NPAS1: variants seen among roughly 807,000 people sequenced by gnomAD.
The protein encoded by NPAS1 is neuronal PAS domain-containing protein 1.
Under a neutral mutation model 49.2 loss-of-function variants are expected in NPAS1, and 29 were observed. The observed-to-expected ratio is 0.59, with a 90% CI of 0.44 to 0.80. NPAS1 has a LOEUF of 0.80. Ranked by LOEUF, NPAS1 falls within the 30% of genes least tolerant of loss-of-function variation. NPAS1 has a pLI of 0.00. For missense variants in NPAS1, 825 were observed against 835.5 expected (o/e 0.99, Z 0.15); for synonymous variants, 408 against 380.4 (o/e 1.07, Z -0.84).
intron 10 of NPAS1, among the ~76,000 whole-genome samples, chr19:47,041,977 CTCAAAAAAAAAA>C (rs1568510690): frequency 1.2e-5 from 1 of 86,830 alleles, no homozygotes; most frequent in East Asian, 3.3e-4. Context: ...GAGACCCTGT[CTCAAAAAAAAAA>C]AAAAAAAAAA....
At chr19:47,033,009 C>T (rs1599903478) in intron 5 of NPAS1, among the ~76,000 whole-genome samples, 2 of 152,040 alleles carry the variant, frequency 1.3e-5, no homozygotes, top group South Asian at 2.1e-4. Context: ...GTGCGATCTT[C>T]GCTCAGTGCA....
At chr19:47,045,169 C>T (rs1346616978) in intron 11 of NPAS1, 22 bp from the exon 12 acceptor site, 1 of 1,609,196 alleles carries the variant, frequency 6.2e-7, no homozygotes, top group African/African-American at 1.3e-5. Flanking sequence ...ACACACAGGC[C>T]CTCAGCATCT....
In NPAS1 at chr19:47,021,291, G is replaced by C; in HGVS notation, c.122+122G>C. The C allele has an allele frequency of 1.1e-6, 1 of 900,058 alleles. No homozygotes were observed. Among genetic ancestry groups the C allele is most frequent in the South Asian group, 1.9e-5 (1 of 53,802 alleles). 55.8% of individuals were successfully genotyped at this position (900,058 alleles called of 1,614,324 possible). A position where few individuals can be genotyped will look rare whatever the true frequency, so the allele number is the denominator to read the frequency against. On this transcript the variant is annotated intron_variant, in intron 2 of 11. Coordinates refer to ENST00000602212, the MANE Select transcript of NPAS1 (RefSeq NM_002517.4). The surrounding 1 kb of genome is among the most constrained non-coding windows in gnomAD (Gnocchi z 5.7). ...CTCCCTGACCCGCCCCTTAGGGCTA[G>C]AAGGTCTTACCTTGAGTTAACTACC...
intron 1 of NPAS1, 118 bp downstream of exon 1, chr19:47,020,115 G>C: frequency 6.7e-5 from 10 of 148,580 alleles, no homozygotes; most frequent in East Asian, 2.0e-4. Context: ...GAGCCTGGGG[G>C]AAGGGGCGCA....
intron 3 of NPAS1, among the ~76,000 whole-genome samples, chr19:47,029,573 G>C (rs914753701): frequency 1.5e-4 from 22 of 151,720 alleles, no homozygotes; most frequent in Admixed American, 1.4e-3. Flanking sequence ...CTAATTTTTT[G>C]TATTTTTGGT....
chr19:47,033,091 C>A (rs942114448), intron 5 of NPAS1, among the ~76,000 whole-genome samples: 1 of 151,968 alleles, frequency 6.6e-6, no homozygotes, highest in Non-Finnish European at 1.5e-5. Flanking sequence ...AGGCGCCCAC[C>A]ACACCCGGCT....
Position 47,037,486 on chromosome 19 carries a change from TA to T in NPAS1, c.688+1359del, listed in dbSNP as rs375799429. 2.8e-4 allele frequency among the ~76,000 whole-genome samples: 43 copies of T among 151,576 alleles called. 1 individual carries two copies. In the East Asian group the frequency reaches 8.0e-3, roughly 28 times the overall value. ...TAATTGCCCCCAGGTCACACAGCTA[TA>T]AGTGATTGAGTTGGATTCTAGCCCA... On this transcript the variant is annotated intron_variant, in intron 6 of 11. Transcript: ENST00000602212.
chr19:47,035,221 G>GAAGAAGAAGAAGAAGAAGAA (rs56400118), intron 5 of NPAS1: 5 of 151,900 alleles, frequency 3.3e-5, no homozygotes, highest in African/African-American at 1.2e-4. Flanking sequence ...AGAAGAAGAA[G>GAAGAAGAAGAAGAAGAAGAA]GAAAGGCTTG....
In NPAS1 at chr19:47,021,200, G is replaced by GC. The variant is rs367800338; in HGVS notation, c.122+40dup. The GC allele has an allele frequency of 0.021, 28,897 of 1,405,912 alleles. 232 individuals are homozygous for GC. Among genetic ancestry groups the GC allele is most frequent in the South Asian group, 0.052 (3,601 of 69,458 alleles). The allele number at this position is 1,405,912 out of a possible 1,614,324, so 87.1% of individuals were successfully genotyped here. ...CAAAGCCCCGCCCCCCTGGCCGCGG[G>GC]CCCCCCCCCGGGTCCAATTCACACC... On this transcript the variant is annotated intron_variant, in intron 2 of 11. Coordinates refer to ENST00000602212, the MANE Select transcript of NPAS1 (RefSeq NM_002517.4). The surrounding 1 kb of genome is among the most constrained non-coding windows in gnomAD (Gnocchi z 5.7).
chr19:47,031,193 GTTTT>G (rs780068160), intron 3 of NPAS1, among the ~76,000 whole-genome samples: 1 of 142,516 alleles, frequency 7.0e-6, no homozygotes, highest in Non-Finnish European at 1.5e-5. Context: ...GTGTGTGTGT[GTTTT>G]TTTTTTTTTT....
At chr19:47,029,450 A>G (rs2056893124) in intron 3 of NPAS1, among the ~76,000 whole-genome samples, 1 of 151,490 alleles carries the variant, frequency 6.6e-6, no homozygotes, top group African/African-American at 2.4e-5. Flanking sequence ...CCCAGGCTGG[A>G]GTGCAGTGGT....
At chr19:47,022,675 A>T (rs2056849304) in intron 3 of NPAS1, among the ~76,000 whole-genome samples, 1 of 152,192 alleles carries the variant, frequency 6.6e-6, no homozygotes, top group Admixed American at 6.5e-5. Context: ...GAGCGCTGGG[A>T]TTGAGCAGGA....
chr19:47,045,098 A>T, intron 11 of NPAS1, 93 bp from the exon 12 acceptor site: 1 of 1,200,320 alleles, frequency 8.3e-7, no homozygotes. Flanking sequence ...GCTGAGAACT[A>T]CAGGTCTGGC....
chr19:47,029,498 C>G lies in NPAS1; in HGVS notation c.359-2780C>G, dbSNP rs2056893399. ...CACTGCAACCTCCACGTCCCGGGTT[C>G]AAGCAATTCTCCCTCCTCAGCCTCC... On this transcript the variant is annotated intron_variant, in intron 3 of 11. Transcript: ENST00000602212. Among the ~76,000 whole-genome samples the G allele has an allele frequency of 2.0e-5, 3 of 152,052 alleles. No individual in the cohort carries two copies. In the South Asian group the frequency reaches 6.2e-4, roughly 32 times the overall value.
chr19:47,020,416 G>T (rs1376151452), intron 1 of NPAS1, among the ~76,000 whole-genome samples: 7 of 151,792 alleles, frequency 4.6e-5, no homozygotes, highest in Admixed American at 4.6e-4. Flanking sequence ...CAGGGAGGAA[G>T]TTGTGGTCGT....
intron 10 of NPAS1, 43 bp downstream of exon 10, chr19:47,041,168 TG>T: frequency 6.7e-7 from 1 of 1,485,424 alleles, no homozygotes; most frequent in Non-Finnish European, 8.9e-7. Context: ...CTCAGGGCCC[TG>T]CTGTCTCTCC....
chr19:47,026,838 C>T (rs2056874007), intron 3 of NPAS1, among the ~76,000 whole-genome samples: 1 of 151,776 alleles, frequency 6.6e-6, no homozygotes, highest in South Asian at 2.1e-4. Flanking sequence ...CCTGTACTCC[C>T]AGCTACTTGG....
Position 47,021,912 on chromosome 19 carries a change from C to G in NPAS1, c.358+65C>G. 1 of 1,122,290 alleles carries G rather than the reference C, an allele frequency of 8.9e-7. No individual in the cohort carries two copies. The highest frequency in any genetic ancestry group is 1.2e-6 in the Non-Finnish European group (1 of 842,954). The allele number at this position is 1,122,290 out of a possible 1,614,324, so 69.5% of individuals were successfully genotyped here. On this transcript the variant is annotated intron_variant, in intron 3 of 11. Coordinates refer to ENST00000602212, the MANE Select transcript of NPAS1 (RefSeq NM_002517.4). The surrounding 1 kb of genome is among the most constrained non-coding windows in gnomAD (Gnocchi z 5.7). ...CAGGCGGAGTCACTGCAGCCCAGAT[C>G]CGGGCTGCGGGCCTGCCCTCGCCCA... is the stretch of plus-strand genomic sequence containing the variant.
chr19:47,032,976 A>G (rs369084506), intron 5 of NPAS1, among the ~76,000 whole-genome samples: 169 of 152,134 alleles, frequency 1.1e-3, no homozygotes, highest in African/African-American at 3.8e-3. Context: ...GTCTCGCTCT[A>G]TCACCCAGGC....
Sources: gnomAD v4.1 joint callset for allele counts (sites outside exome capture counted in the v4.1 genomes callset) on GRCh38, gnomAD v4.1.1 for gene constraint, Gnocchi (gnomAD v3.1) non-coding constraint, MANE v1.5 for transcripts, NCBI Gene and HGNC (gene_info 2026-07-23, HGNC 2026-07-21) for gene names.